SLC35F1: variants seen among roughly 807,000 people sequenced by gnomAD.
The protein encoded by SLC35F1 is chromosome 6 open reading frame 169.
SLC35F1 carries 14 observed loss-of-function variants against 48.7 expected under a neutral mutation model. That is an observed-to-expected ratio of 0.29 (90% CI 0.19 to 0.45). The LOEUF (loss-of-function observed/expected upper bound fraction) is 0.45, where lower values mean the gene tolerates loss of function less well. SLC35F1 is among the 20% of genes least tolerant of loss of function. The pLI, the probability that SLC35F1 is intolerant of heterozygous loss-of-function variation, is 1.00. For synonymous variants in SLC35F1, 190 were observed against 202.2 expected (o/e 0.94, Z 0.51); for missense variants, 404 against 500.0 (o/e 0.81, Z 1.83).
At chr6:118,169,868 G>T (rs976688254) in intron 2 of SLC35F1, among the ~76,000 whole-genome samples, 1 of 152,126 alleles carries the variant, frequency 6.6e-6, no homozygotes, top group Non-Finnish European at 1.5e-5. Context: ...GCCAAAATAA[G>T]ATCTTTTAAT....
intron 1 of SLC35F1, among the ~76,000 whole-genome samples, chr6:118,089,410 G>C (rs1773039814): frequency 6.6e-6 from 1 of 152,146 alleles, no homozygotes; most frequent in African/African-American, 2.4e-5. Flanking sequence ...GTTCCAACAA[G>C]TCATTCAGCA....
At chr6:118,050,201 T>C (rs1322670316) in intron 1 of SLC35F1, among the ~76,000 whole-genome samples, 3 of 150,786 alleles carry the variant, frequency 2.0e-5, no homozygotes, top group Non-Finnish European at 3.0e-5. Context: ...AACATCACAC[T>C]CCAGGGACTG....
chr6:118,040,455 A>G (rs1387198492), intron 1 of SLC35F1, among the ~76,000 whole-genome samples: 1 of 152,172 alleles, frequency 6.6e-6, no homozygotes. Context: ...AGAACTGGAA[A>G]TTATCCAGTA....
Position 118,317,220 on chromosome 6 carries a change from G to A in SLC35F1, c.*2968G>A. ...TTCCTCAATGAAAACTTGCACTGGGGACAGCGCTTGCCTTGGTCAGACCTT... is the reference window on the plus strand; with the variant it reads ...TTCCTCAATGAAAACTTGCACTGGGAACAGCGCTTGCCTTGGTCAGACCTT... On this transcript the variant is annotated 3_prime_UTR_variant, in exon 8 of 8. Transcript: ENST00000360388. 6.6e-6 allele frequency: 1 copy of A among 152,322 alleles called. No homozygotes were observed. The highest frequency in any genetic ancestry group is 1.9e-4 in the East Asian group (1 of 5,192). The allele number at this position is 152,322 out of a possible 1,614,324, so 9.4% of individuals were successfully genotyped here.
chr6:118,237,781 G>A (rs79967013), intron 3 of SLC35F1, among the ~76,000 whole-genome samples: 3,217 of 152,134 alleles, frequency 0.021, 108 homozygotes, highest in African/African-American at 0.073. Flanking sequence ...TTTTAGATAC[G>A]TCGTAGTTGC....
chr6:118,272,737 G>GTGTGTGTA (rs201515909), intron 4 of SLC35F1, among the ~76,000 whole-genome samples: 7 of 120,266 alleles, frequency 5.8e-5, no homozygotes, highest in African/African-American at 2.3e-4. Flanking sequence ...ATATGTGTGT[G>GTGTGTGTA]TATATATATA....
At chr6:118,004,185 T>C (rs916426799) in intron 1 of SLC35F1, among the ~76,000 whole-genome samples, 1 of 152,218 alleles carries the variant, frequency 6.6e-6, no homozygotes, top group Non-Finnish European at 1.5e-5. Context: ...ATATTTCTTC[T>C]TGGAAGTTGA....
At chr6:118,233,971 C>T (rs1395532998) in intron 2 of SLC35F1, among the ~76,000 whole-genome samples, 1 of 152,180 alleles carries the variant, frequency 6.6e-6, no homozygotes, top group African/African-American at 2.4e-5. Flanking sequence ...CATGCTTTGA[C>T]AGTCTGTATG....
chr6:118,135,379 A>T (rs1773778726), intron 1 of SLC35F1, among the ~76,000 whole-genome samples: 1 of 152,220 alleles, frequency 6.6e-6, no homozygotes, highest in Non-Finnish European at 1.5e-5. Flanking sequence ...TGCTACTTGG[A>T]TTCTATATTA....
intron 2 of SLC35F1, among the ~76,000 whole-genome samples, chr6:118,157,027 T>C (rs1345220058): frequency 6.6e-6 from 1 of 152,246 alleles, no homozygotes; most frequent in African/African-American, 2.4e-5. Flanking sequence ...ATTGAGCCTT[T>C]ATAATGCACT....
chr6:118,275,106 G>C (rs1231049962), intron 4 of SLC35F1, among the ~76,000 whole-genome samples: 1 of 152,144 alleles, frequency 6.6e-6, no homozygotes, highest in Non-Finnish European at 1.5e-5. Flanking sequence ...GAACTTGGGA[G>C]GTGGAGGTTG....
At chr6:118,128,554 C>G (rs529394513) in intron 1 of SLC35F1, among the ~76,000 whole-genome samples, 1 of 151,856 alleles carries the variant, frequency 6.6e-6, no homozygotes, top group Non-Finnish European at 1.5e-5. Flanking sequence ...AGTAAACTAT[C>G]GCAAGGACAA....
intron 2 of SLC35F1, among the ~76,000 whole-genome samples, chr6:118,208,109 A>ACG (rs984323027): frequency 1.3e-4 from 17 of 132,242 alleles, no homozygotes; most frequent in Admixed American, 3.6e-4. Flanking sequence ...ACGCACACAC[A>ACG]CGCGCGCGCG....
chr6:118,036,997 A>G (rs887648443), intron 1 of SLC35F1, among the ~76,000 whole-genome samples: 18 of 152,312 alleles, frequency 1.2e-4, no homozygotes, highest in African/African-American at 4.3e-4. Flanking sequence ...GTCTATTATC[A>G]AACACATGTC....
rs186808870 is a variant in SLC35F1, at chr6:118,005,763, G to A, written c.173+97864G>A. ...TTTGGCTATCCAAGTCCATGATCTAGCACTAACCAATTACCTGACCCACCG... is the reference window on the plus strand; with the variant it reads ...TTTGGCTATCCAAGTCCATGATCTAACACTAACCAATTACCTGACCCACCG... On this transcript the variant is annotated intron_variant, in intron 1 of 7. Coordinates refer to ENST00000360388, the MANE Select transcript of SLC35F1 (RefSeq NM_001029858.4). Among the ~76,000 whole-genome samples the A allele has an allele frequency of 3.1e-3, 472 of 152,250 alleles. 1 individual carries two copies. The highest frequency in any genetic ancestry group is 0.011 in the African/African-American group (447 of 41,556).
At chr6:118,062,194 A>G (rs1336690057) in intron 1 of SLC35F1, among the ~76,000 whole-genome samples, 2 of 152,192 alleles carry the variant, frequency 1.3e-5, no homozygotes, top group African/African-American at 2.4e-5. Flanking sequence ...TTCAATTAGA[A>G]TAAATTTAAT....
intron 6 of SLC35F1, among the ~76,000 whole-genome samples, chr6:118,279,237 A>G (rs1046836842): frequency 1.3e-5 from 2 of 152,206 alleles, no homozygotes; most frequent in Admixed American, 6.5e-5. Flanking sequence ...ATCATTACAC[A>G]TTGCATGCAT....
intron 3 of SLC35F1, 21 bp downstream of exon 3, chr6:118,235,657 C>A: frequency 1.2e-6 from 2 of 1,606,770 alleles, no homozygotes; most frequent in South Asian, 2.2e-5. Context: ...TTCTTCTTCC[C>A]TTCTCAACTT....
At chr6:118,007,826 G>A (rs1301921802) in intron 1 of SLC35F1, among the ~76,000 whole-genome samples, 1 of 152,098 alleles carries the variant, frequency 6.6e-6, no homozygotes, top group Non-Finnish European at 1.5e-5. Flanking sequence ...GGAGAATTCA[G>A]TTTTAGGTTG....
Sources: gnomAD v4.1 joint callset for allele counts (sites outside exome capture counted in the v4.1 genomes callset) on GRCh38, gnomAD v4.1.1 for gene constraint, MANE v1.5 for transcripts, NCBI Gene and HGNC (gene_info 2026-07-23, HGNC 2026-07-21) for gene names.